Variants in GPR89B observed in about 807,000 individuals in gnomAD.
GPR89B encodes the protein golgi pH regulator B.
Under a neutral mutation model 52.4 loss-of-function variants are expected in GPR89B, and 25 were observed. The ratio of observed to expected loss-of-function variants is 0.48; its 90% CI spans 0.35 to 0.67. The LOEUF is 0.67. Among genes scored for constraint, GPR89B ranks in the 30% least tolerant of loss-of-function variants. GPR89B has a pLI of 0.01. For synonymous variants in GPR89B, 52 were observed against 151.2 expected, an observed-to-expected ratio of 0.34 and a Z score of 4.81; for missense variants, 146 against 450.2, an observed-to-expected ratio of 0.32 and a Z score of 6.11.
At chr1:147,936,903 G>T (rs1214948807) in intron 2 of GPR89B, among the ~76,000 whole-genome samples, 6 of 152,036 alleles carry the variant, frequency 3.9e-5, no homozygotes, top group Non-Finnish European at 7.4e-5. Flanking sequence ...TAGGAGCAAG[G>T]ATTATGTCTT....
At position 147,943,438 on chromosome 1, in the gene GPR89B, C is replaced by T. The variant is rs782370847; in HGVS notation, c.207C>T (p.Ser69=). Residue 69 remains serine (S), a splice_region_variant and synonymous_variant, in exon 4 of 14, where the codon AGC becomes AGT. Coordinates refer to ENST00000314163, the MANE Select transcript of GPR89B (RefSeq NM_016334.5). ...IFEILGVLNS[S]SRYFHWKMNL... Reference sequence around the variant, plus strand: ...TGACAGTCTTTGACATTTATTTCAGCTCCCGTTATTTTCACTGGAAAATGA... The same window carrying T: ...TGACAGTCTTTGACATTTATTTCAGTTCCCGTTATTTTCACTGGAAAATGA... The T allele has an allele frequency of 7.5e-6, 12 of 1,608,610 alleles. No homozygotes were observed. The East Asian group carries it at 2.2e-4, about 30-fold the overall frequency.
At chr1:147,934,625 CCTTCGG>C (rs1374374010) in intron 1 of GPR89B, among the ~76,000 whole-genome samples, 2 of 152,160 alleles carry the variant, frequency 1.3e-5, no homozygotes, top group Non-Finnish European at 2.9e-5. Flanking sequence ...ATTAAAACTT[CCTTCGG>C]CTCGGGCATT....
chr1:147,979,125 G>C (rs1490885389), intron 10 of GPR89B, among the ~76,000 whole-genome samples: 3 of 151,930 alleles, frequency 2.0e-5, no homozygotes, highest in African/African-American at 7.3e-5. Flanking sequence ...CGGCTCCCAG[G>C]TGGGGCTGTT....
At chr1:147,969,809 T>C in intron 9 of GPR89B, 58 bp from the exon 10 acceptor site, 2 of 1,496,430 alleles carry the variant, frequency 1.3e-6, no homozygotes, top group African/African-American at 1.4e-5. Context: ...AGAATACTTG[T>C]GTTGAATATA....
downstream of GPR89B, among the ~76,000 whole-genome samples, chr1:147,997,420 G>A (rs1448524313): frequency 6.6e-6 from 1 of 152,132 alleles, no homozygotes; most frequent in Non-Finnish European, 1.5e-5. Flanking sequence ...CCTGTGCTTG[G>A]ACATCAGAAT....
intron 5 of GPR89B, 95 bp downstream of exon 5, chr1:147,944,193 A>AGCAGTCGT: frequency 7.8e-7 from 1 of 1,281,056 alleles, no homozygotes; most frequent in Non-Finnish European, 1.1e-6. Flanking sequence ...TGGGGAAAAA[A>AGCAGTCGT]TGTATTTGGG....
chr1:147,936,126 T>G (rs1215056264), intron 1 of GPR89B, among the ~76,000 whole-genome samples: 1 of 152,092 alleles, frequency 6.6e-6, no homozygotes, highest in Non-Finnish European at 1.5e-5. Flanking sequence ...CAAGCGATTC[T>G]CATGCCTCAG....
the GPR89B span, among the ~76,000 whole-genome samples, chr1:148,004,364 A>G: frequency 1.4e-5 from 2 of 148,042 alleles, no homozygotes; most frequent in Non-Finnish European, 3.0e-5. Flanking sequence ...ACGGTGTTTC[A>G]CCGTGTTAGC....
chr1:147,976,153 A>C (rs1462943525), intron 10 of GPR89B, among the ~76,000 whole-genome samples: 71 of 152,142 alleles, frequency 4.7e-4, no homozygotes, highest in Non-Finnish European at 7.8e-4. Context: ...AGAGTTCTGT[A>C]GATATCTATC....
chr1:148,012,346 G>A, the GPR89B span: 1 of 99,240 alleles, frequency 1.0e-5, no homozygotes, highest in Non-Finnish European at 2.0e-5. Flanking sequence ...CTTATGTGAT[G>A]GAGCAAAGGT....
chr1:148,017,530 C>G, the GPR89B span, among the ~76,000 whole-genome samples: 1 of 149,552 alleles, frequency 6.7e-6, no homozygotes, highest in Admixed American at 6.6e-5. Flanking sequence ...GTCAGGAGAT[C>G]GAGACCATCC....
intron 12 of GPR89B, 46 bp from the exon 13 acceptor site, chr1:147,992,456 G>A (rs1472153357): frequency 2.5e-6 from 4 of 1,600,306 alleles, no homozygotes; most frequent in Non-Finnish European, 3.4e-6. Context: ...TCGTGACACA[G>A]GAATCTAACA....
At chr1:147,972,442 G>A (rs1328935156) in intron 10 of GPR89B, among the ~76,000 whole-genome samples, 1 of 150,400 alleles carries the variant, frequency 6.6e-6, no homozygotes, top group East Asian at 2.0e-4. Context: ...ATTTCCACCT[G>A]CACTGTGTAT....
At chr1:148,019,971 A>G in the GPR89B span, among the ~76,000 whole-genome samples, 1 of 151,760 alleles carries the variant, frequency 6.6e-6, no homozygotes, top group Admixed American at 6.6e-5. Context: ...GAGAAGCTCA[A>G]TTATCACCCT....
chr1:148,018,738 C>T, the GPR89B span, among the ~76,000 whole-genome samples: 1 of 151,832 alleles, frequency 6.6e-6, no homozygotes, highest in Non-Finnish European at 1.5e-5. Flanking sequence ...GTGATCTCAG[C>T]TCACCACAAC....
intron 10 of GPR89B, among the ~76,000 whole-genome samples, chr1:147,980,784 A>T (rs2149087643): frequency 7.5e-6 from 1 of 132,508 alleles, no homozygotes; most frequent in East Asian, 2.4e-4. Flanking sequence ...CCGCCACTGC[A>T]CTCCAGCCTG....
At chr1:147,983,673 A>G (rs1571313758) in intron 10 of GPR89B, among the ~76,000 whole-genome samples, 1 of 151,828 alleles carries the variant, frequency 6.6e-6, no homozygotes, top group Non-Finnish European at 1.5e-5. Flanking sequence ...AAAGTCAGGA[A>G]ACAACAGGTG....
chr1:148,007,234 C>G, the GPR89B span, among the ~76,000 whole-genome samples: 49 of 148,430 alleles, frequency 3.3e-4, no homozygotes, highest in Non-Finnish European at 3.7e-4. Context: ...CACCACCACA[C>G]CCGGCTAATT....
intron 3 of GPR89B, among the ~76,000 whole-genome samples, chr1:147,939,791 G>T (rs1370588055): frequency 6.6e-6 from 1 of 151,314 alleles, no homozygotes; most frequent in East Asian, 2.0e-4. Flanking sequence ...TAAGTGCAGG[G>T]GTTCAAGACG....
Sources: allele counts gnomAD v4.1 joint callset (sites outside exome capture counted in the v4.1 genomes callset), GRCh38; gene constraint gnomAD v4.1.1; transcripts MANE v1.5; gene names NCBI Gene and HGNC (gene_info 2026-07-23, HGNC 2026-07-21).